Variants in HHAT observed in about 807,000 individuals in gnomAD.
HHAT encodes the protein hedgehog acyltransferase, also known as protein-cysteine N-palmitoyltransferase HHAT.
Under a neutral mutation model 70.8 loss-of-function variants are expected in HHAT, and 47 were observed. The ratio of observed to expected loss-of-function variants is 0.66; its 90% CI spans 0.53 to 0.85. HHAT has a LOEUF of 0.85. Ranked by LOEUF, HHAT falls within the 40% of genes least tolerant of loss-of-function variation. The pLI is 0.00. For missense variants in HHAT, 609 were observed against 604.8 expected, an observed-to-expected ratio of 1.01 and a Z score of -0.07; for synonymous variants, 228 against 247.6, an observed-to-expected ratio of 0.92 and a Z score of 0.74.
intron 1 of HHAT, among the ~76,000 whole-genome samples, chr1:210,338,786 C>T (rs2085741281): frequency 6.6e-6 from 1 of 152,150 alleles, no homozygotes; most frequent in Non-Finnish European, 1.5e-5. Context: ...GCCTTTAGTT[C>T]CAGAAGGTAG....
intron 7 of HHAT, among the ~76,000 whole-genome samples, chr1:210,432,651 G>C (rs1423547290): frequency 1.3e-5 from 2 of 151,904 alleles, no homozygotes; most frequent in South Asian, 2.1e-4. Flanking sequence ...ACATAGCCCA[G>C]TGGGTCCTGA....
chr1:210,442,467 A>T (rs1055339074), intron 7 of HHAT, among the ~76,000 whole-genome samples: 31 of 147,852 alleles, frequency 2.1e-4, no homozygotes, highest in African/African-American at 7.7e-4. Context: ...AGTCCCACCA[A>T]CAGTGTAAAA....
chr1:210,465,586 G>A (rs376498507), intron 8 of HHAT, among the ~76,000 whole-genome samples: 2 of 152,056 alleles, frequency 1.3e-5, no homozygotes, highest in Non-Finnish European at 1.5e-5. Flanking sequence ...AGATCCTTCC[G>A]CCTCAGCCCC....
intron 9 of HHAT, among the ~76,000 whole-genome samples, chr1:210,576,004 C>A (rs1038321133): frequency 6.6e-6 from 1 of 152,034 alleles, no homozygotes; most frequent in East Asian, 1.9e-4. Context: ...ACCCACATAC[C>A]CTCTGTAGGC....
chr1:210,654,120 GACAGCAGAATAGTGT>G (rs1675844079), intron 11 of HHAT, among the ~76,000 whole-genome samples: 1 of 150,868 alleles, frequency 6.6e-6, no homozygotes. Context: ...AGAATAGTGT[GACAGCAGAATAGTGT>G]GATGGGAATA....
intron 8 of HHAT, among the ~76,000 whole-genome samples, chr1:210,508,651 C>T (rs188558361): frequency 6.6e-6 from 1 of 152,068 alleles, no homozygotes; most frequent in Admixed American, 6.5e-5. Flanking sequence ...GCTTTATGAA[C>T]CACTTCATTC....
intron 9 of HHAT, among the ~76,000 whole-genome samples, chr1:210,544,391 T>TTTTTTG (rs773490978): frequency 2.0e-5 from 2 of 99,340 alleles, no homozygotes; most frequent in African/African-American, 6.6e-5. Flanking sequence ...TTTTTTTTTT[T>TTTTTTG]GACACAGTTT....
chr1:210,435,310 C>CT (rs1290688355), intron 7 of HHAT, among the ~76,000 whole-genome samples: 2 of 151,800 alleles, frequency 1.3e-5, no homozygotes, highest in Non-Finnish European at 2.9e-5. Flanking sequence ...GAATTTCATT[C>CT]TTTTTTATGG....
intron 7 of HHAT, among the ~76,000 whole-genome samples, chr1:210,457,178 G>A (rs957571826): frequency 3.3e-5 from 5 of 151,876 alleles, no homozygotes; most frequent in Non-Finnish European, 7.4e-5. Context: ...CACCCCCGGC[G>A]GGGAGAGAAA....
At chr1:210,444,960 C>T (rs2093605252) in intron 7 of HHAT, among the ~76,000 whole-genome samples, 1 of 152,178 alleles carries the variant, frequency 6.6e-6, no homozygotes, top group African/African-American at 2.4e-5. Context: ...CTGCCTTAGC[C>T]TCCTGAGTAG....
At chr1:210,648,572 C>T (rs777306445) in intron 11 of HHAT, among the ~76,000 whole-genome samples, 1 of 152,122 alleles carries the variant, frequency 6.6e-6, no homozygotes, top group Non-Finnish European at 1.5e-5. Flanking sequence ...TTTTTTCCTC[C>T]GTATCCAATC....
At chr1:210,374,265 T>G (rs955679582) in intron 3 of HHAT, 2 of 126,300 alleles carry the variant, frequency 1.6e-5, no homozygotes, top group Non-Finnish European at 3.3e-5. Context: ...GAGAAACCAG[T>G]GTAATGCTAC....
At chr1:210,666,389 G>A (rs1034744492) in intron 11 of HHAT, among the ~76,000 whole-genome samples, 5 of 152,192 alleles carry the variant, frequency 3.3e-5, no homozygotes, top group Admixed American at 1.3e-4. Flanking sequence ...GGAAGAAGGC[G>A]TGATTAGGGG....
intron 7 of HHAT, among the ~76,000 whole-genome samples, chr1:210,429,817 T>A (rs2093190723): frequency 6.6e-6 from 1 of 151,920 alleles, no homozygotes; most frequent in Non-Finnish European, 1.5e-5. Context: ...AATATCTTCT[T>A]CCCCAATAAC....
chr1:210,425,439 T>C (rs2093033870), intron 7 of HHAT, among the ~76,000 whole-genome samples: 1 of 152,202 alleles, frequency 6.6e-6, no homozygotes. Context: ...CAAATGGTAT[T>C]GCCTAGATTG....
At chr1:210,387,652 TA>T (rs2091184041) in intron 4 of HHAT, 71 bp downstream of exon 4, 1 of 1,206,192 alleles carries the variant, frequency 8.3e-7, no homozygotes. Context: ...GAGTCCAAGC[TA>T]GGAATCGGAA....
chr1:210,407,811 G>A (rs2092391841), intron 6 of HHAT, among the ~76,000 whole-genome samples: 1 of 152,122 alleles, frequency 6.6e-6, no homozygotes, highest in African/African-American at 2.4e-5. Context: ...CTGAAGCCTG[G>A]GGCCACTACG....
At chr1:210,589,839 A>G (rs1337568932) in intron 10 of HHAT, 1 of 152,212 alleles carries the variant, frequency 6.6e-6, no homozygotes, top group Admixed American at 6.5e-5. Context: ...GGACTCACTC[A>G]TTCACCTCAC....
intron 7 of HHAT, among the ~76,000 whole-genome samples, chr1:210,457,114 A>G (rs2093885516): frequency 6.6e-6 from 1 of 151,846 alleles, no homozygotes; most frequent in African/African-American, 2.4e-5. Context: ...CATCATGATG[A>G]CTCTGAGCAC....
Sources: gnomAD v4.1 joint callset for allele counts (sites outside exome capture counted in the v4.1 genomes callset) on GRCh38, gnomAD v4.1.1 for gene constraint, MANE v1.5 for transcripts, NCBI Gene and HGNC (gene_info 2026-07-23, HGNC 2026-07-21) for gene names.